Variants in HMCN1 observed in about 807,000 individuals in gnomAD.
The protein encoded by HMCN1 is hemicentin 1.
Under a neutral mutation model 625.9 loss-of-function variants are expected in HMCN1, and 321 were observed. The observed-to-expected ratio is 0.51, with a 90% CI of 0.47 to 0.56. The LOEUF (loss-of-function observed/expected upper bound fraction) is 0.56. Ranked by LOEUF, HMCN1 falls within the 20% of genes least tolerant of loss-of-function variation. HMCN1 has a pLI of 0.00. For missense variants in HMCN1, 6,588 were observed against 6,887.3 expected (o/e 0.96, Z 1.54); for synonymous variants, 2,425 against 2,417.6 (o/e 1.00, Z -0.09).
rs768917803 is a variant in HMCN1, at chr1:186,039,884, CT to C, written c.6180+7del. ...AGTTTTTCTAATGGATTACAGGTAC[CT>C]TCATTCATTTCTTTGGTGACATTTA... On this transcript the variant is annotated splice_donor_region_variant and intron_variant, in intron 39 of 106. Coordinates refer to ENST00000271588, the MANE Select transcript of HMCN1 (RefSeq NM_031935.3). 5 of 1,612,340 alleles carry C rather than the reference CT, an allele frequency of 3.1e-6. No individual in the cohort carries two copies. Among genetic ancestry groups the C allele is most frequent in the Non-Finnish European group, 4.2e-6 (5 of 1,178,826 alleles).
At chr1:185,956,634 T>G (rs925767851) in intron 11 of HMCN1, among the ~76,000 whole-genome samples, 5 of 152,106 alleles carry the variant, frequency 3.3e-5, no homozygotes, top group Non-Finnish European at 7.4e-5. Flanking sequence ...TTTTTTTGGT[T>G]TTGGTTTTTA....
intron 1 of HMCN1, among the ~76,000 whole-genome samples, chr1:185,813,895 T>G (rs545189147): frequency 6.6e-6 from 1 of 152,158 alleles, no homozygotes; most frequent in Non-Finnish European, 1.5e-5. Context: ...AAGTCAAGTT[T>G]AGACTCATCT....
At chr1:186,069,924 T>C (rs905815473) in intron 51 of HMCN1, 148 bp downstream of exon 51, 2 of 680,890 alleles carry the variant, frequency 2.9e-6, no homozygotes, top group Admixed American at 2.1e-5. Flanking sequence ...GGAAGTTGAA[T>C]TAAGCATTGT....
chr1:186,174,243 G>A (rs998493873), intron 102 of HMCN1, among the ~76,000 whole-genome samples: 5 of 152,154 alleles, frequency 3.3e-5, no homozygotes, highest in African/African-American at 1.2e-4. Flanking sequence ...ATGGCAAAAG[G>A]AGGAAGGGAT....
chr1:185,871,781 C>G (rs1663636759), intron 4 of HMCN1, among the ~76,000 whole-genome samples: 1 of 152,166 alleles, frequency 6.6e-6, no homozygotes, highest in Non-Finnish European at 1.5e-5. Flanking sequence ...GAGTATGAAT[C>G]TGGCACAGCC....
chr1:185,924,828 A>G (rs1445904317), intron 8 of HMCN1, among the ~76,000 whole-genome samples: 1 of 152,168 alleles, frequency 6.6e-6, no homozygotes, highest in Non-Finnish European at 1.5e-5. Context: ...TTCAATGAAT[A>G]CTGTAGTAAG....
At chr1:186,151,059 C>T (rs1650631406) in intron 93 of HMCN1, 141 bp from the exon 94 acceptor site, 2 of 745,392 alleles carry the variant, frequency 2.7e-6, no homozygotes. Context: ...ATTTATTTCA[C>T]TATTAAATTC....
At chr1:185,908,244 G>T (rs1666206919) in intron 4 of HMCN1, among the ~76,000 whole-genome samples, 1 of 151,750 alleles carries the variant, frequency 6.6e-6, no homozygotes, top group Non-Finnish European at 1.5e-5. Flanking sequence ...AAAAAAAAGG[G>T]ATACTTTTCA....
rs1426481860 is a variant in HMCN1 at position 186,015,198 on chromosome 1, T to C, written c.4670T>C (p.Ile1557Thr). Residue 1557 changes from isoleucine to threonine, a missense_variant, in exon 31 of 107, where the codon ATA (isoleucine) becomes ACA (threonine). Physicochemically the swap from Ile to Thr is moderately conservative, Grantham distance 89 (BLOSUM62 -1). Coordinates refer to ENST00000271588, the MANE Select transcript of HMCN1 (RefSeq NM_031935.3). ...AAAGGAGGAAATGTCACCACAGACA[T>C]ATCAGTATTGATCAACAGCCTTATT... ...SIKGGNVTTDISVLINSLIKL... is the reference protein window; with the variant it reads ...SIKGGNVTTDTSVLINSLIKL... 1 of 1,613,554 alleles carries C rather than the reference T, an allele frequency of 6.2e-7. No homozygotes were observed. The highest frequency in any genetic ancestry group is 8.5e-7 in the Non-Finnish European group (1 of 1,179,666).
At chr1:185,747,341 C>G (rs1194530083) in intron 1 of HMCN1, among the ~76,000 whole-genome samples, 1 of 148,874 alleles carries the variant, frequency 6.7e-6, no homozygotes, top group Non-Finnish European at 1.5e-5. Flanking sequence ...TTTTTTGAGA[C>G]AGAGTTTTAC....
At chr1:185,883,258 A>T (rs1664421586) in intron 4 of HMCN1, among the ~76,000 whole-genome samples, 1 of 152,084 alleles carries the variant, frequency 6.6e-6, no homozygotes, top group African/African-American at 2.4e-5. Flanking sequence ...AATACTTTCT[A>T]CCAGTATTAT....
intron 4 of HMCN1, among the ~76,000 whole-genome samples, chr1:185,892,216 A>AT (rs1319044010): frequency 6.7e-6 from 1 of 148,640 alleles, no homozygotes; most frequent in Non-Finnish European, 1.5e-5. Flanking sequence ...ATTCTTCTAA[A>AT]TTTTTTTTAA....
chr1:185,887,462 C>G (rs1239071818), intron 4 of HMCN1, among the ~76,000 whole-genome samples: 1 of 149,684 alleles, frequency 6.7e-6, no homozygotes, highest in East Asian at 2.0e-4. Context: ...CCCCCCTCCC[C>G]GCACCCCACA....
At chr1:186,140,421 T>C (rs1293528778) in intron 89 of HMCN1, among the ~76,000 whole-genome samples, 1 of 152,184 alleles carries the variant, frequency 6.6e-6, no homozygotes, top group Non-Finnish European at 1.5e-5. Context: ...CATGATTACA[T>C]GTAGGTTTTG....
chr1:186,067,801 T>C (rs1658223617), intron 49 of HMCN1, 33 bp from the exon 50 acceptor site: 2 of 1,480,044 alleles, frequency 1.4e-6, no homozygotes, highest in East Asian at 4.5e-5. Context: ...AATTTCTACA[T>C]ATATTTCTTC....
At chr1:185,972,277 T>C (rs1205929351) in intron 15 of HMCN1, among the ~76,000 whole-genome samples, 2 of 152,160 alleles carry the variant, frequency 1.3e-5, no homozygotes, top group African/African-American at 4.8e-5. Context: ...AAGAATCTTT[T>C]GCACATGCTT....
At chr1:185,759,109 A>G (rs1365137261) in intron 1 of HMCN1, among the ~76,000 whole-genome samples, 2 of 152,222 alleles carry the variant, frequency 1.3e-5, no homozygotes, top group Non-Finnish European at 2.9e-5. Context: ...ATATAGACAT[A>G]TAAACATAAC....
At chr1:185,968,448 A>G (rs1650575666) in intron 14 of HMCN1, among the ~76,000 whole-genome samples, 1 of 151,282 alleles carries the variant, frequency 6.6e-6, no homozygotes, top group Non-Finnish European at 1.5e-5. Flanking sequence ...AAGTGAATGC[A>G]TGTTTTTAAT....
At position 185,922,389 on chromosome 1, in the gene HMCN1, G is replaced by T; in HGVS notation, c.911G>T (p.Ser304Ile). Reference sequence around the variant, plus strand: ...ATTAAACATTTTCAGACCTCAAGCAGTGGAAGGCACTCTGTTCGCATTACT... The same window carrying T: ...ATTAAACATTTTCAGACCTCAAGCATTGGAAGGCACTCTGTTCGCATTACT... ...AGMWTVKTSS[S>I]GRHSVRITGL... Residue 304 changes from serine to isoleucine, a missense_variant, in exon 7 of 107, where the codon AGT (serine) becomes ATT (isoleucine). Transcript: ENST00000271588. 6.2e-7 allele frequency: 1 copy of T among 1,613,548 alleles called. No individual in the cohort carries two copies. Among genetic ancestry groups the T allele is most frequent in the Non-Finnish European group, 8.5e-7 (1 of 1,179,746 alleles).
Sources: allele counts gnomAD v4.1 joint callset (sites outside exome capture counted in the v4.1 genomes callset), GRCh38; gene constraint gnomAD v4.1.1; transcripts MANE v1.5; gene names NCBI Gene and HGNC (gene_info 2026-07-23, HGNC 2026-07-21).